The following TTC34 variants were observed in gnomAD, a reference collection of about 807,000 sequenced individuals.
The protein encoded by TTC34 is tetratricopeptide repeat protein 34.
Under a neutral mutation model 40.7 loss-of-function variants are expected in TTC34, and 44 were observed. The ratio of observed to expected loss-of-function variants is 1.08; its 90% CI spans 0.85 to 1.39. The LOEUF is 1.39. Among genes scored for constraint, TTC34 ranks in the 40% most tolerant of loss-of-function variants. The pLI is 0.00. For missense variants in TTC34, 884 were observed against 838.0 expected, an observed-to-expected ratio of 1.05 and a Z score of -0.68; for synonymous variants, 422 against 398.6, an observed-to-expected ratio of 1.06 and a Z score of -0.70.
At chr1:2,755,698 C>A (rs1207191146) in intron 6 of TTC34, among the ~76,000 whole-genome samples, 4 of 110,424 alleles carry the variant, frequency 3.6e-5, no homozygotes, top group Admixed American at 1.0e-4. Context: ...GAGCAGCACC[C>A]CAAACCCACA....
intron 6 of TTC34, among the ~76,000 whole-genome samples, chr1:2,688,076 A>C (rs1262602846): frequency 3.4e-3 from 472 of 138,752 alleles, no homozygotes; most frequent in African/African-American, 0.013. Context: ...AGCCTGGAAC[A>C]GCACCCTGCA....
At chr1:2,764,164 T>A (rs1400507685) in intron 6 of TTC34, among the ~76,000 whole-genome samples, 5 of 147,216 alleles carry the variant, frequency 3.4e-5, no homozygotes, top group African/African-American at 1.0e-4. Flanking sequence ...ATCTGACGCA[T>A]AAAACAGCAC....
intron 6 of TTC34, chr1:2,775,663 C>G (rs1236490152): frequency 6.7e-6 from 1 of 148,446 alleles, no homozygotes; most frequent in Non-Finnish European, 1.5e-5. Flanking sequence ...AAAACAGCAC[C>G]CCACAACCCC....
intron 6 of TTC34, among the ~76,000 whole-genome samples, chr1:2,693,136 GAACCCACACCCCCAGGCGAGCATC>G (rs1640703319): frequency 5.4e-5 from 4 of 73,846 alleles, no homozygotes; most frequent in African/African-American, 1.5e-4. Flanking sequence ...GCCTGGAGCA[GAACCCACACCCCCAGGCGAGCATC>G]TGACAGCCTG....
intron 6 of TTC34, among the ~76,000 whole-genome samples, chr1:2,683,321 G>A (rs1276368531): frequency 2.0e-5 from 3 of 150,808 alleles, no homozygotes; most frequent in Non-Finnish European, 4.4e-5. Flanking sequence ...CCCCAGGTGA[G>A]CATCTGACAG....
intron 6 of TTC34, among the ~76,000 whole-genome samples, chr1:2,748,881 C>T (rs1433372351): frequency 1.0e-4 from 3 of 28,734 alleles, no homozygotes; most frequent in African/African-American, 8.0e-4. Flanking sequence ...GCACCCACAC[C>T]TTCAGGTGAG....
At chr1:2,749,431 A>G (rs1641244873) in intron 6 of TTC34, among the ~76,000 whole-genome samples, 4 of 134,942 alleles carry the variant, frequency 3.0e-5, no homozygotes, top group Non-Finnish European at 3.1e-5. Flanking sequence ...ACAGCCTGGA[A>G]CAGCACCGAC....
intron 6 of TTC34, among the ~76,000 whole-genome samples, chr1:2,782,909 C>T (rs1643507850): frequency 6.6e-6 from 1 of 152,174 alleles, no homozygotes; most frequent in South Asian, 2.1e-4. Flanking sequence ...GTGTGAGTCC[C>T]TCAGAGTCAG....
At chr1:2,751,179 C>T (rs1438658900) in intron 6 of TTC34, among the ~76,000 whole-genome samples, 2 of 120,276 alleles carry the variant, frequency 1.7e-5, no homozygotes, top group Non-Finnish European at 3.3e-5. Flanking sequence ...CCCAGGCGAG[C>T]ATCCGACAGC....
intron 6 of TTC34, among the ~76,000 whole-genome samples, chr1:2,683,614 C>T (rs1288681630): frequency 2.1e-5 from 3 of 143,498 alleles, no homozygotes; most frequent in Non-Finnish European, 4.5e-5. Context: ...CATCTGACAT[C>T]CTTCAGCAGC....
exon 9 of TTC34, chr1:2,640,173 G>A (rs1638873224): frequency 6.6e-6 from 1 of 152,358 alleles, no homozygotes; most frequent in African/African-American, 2.4e-5. Context: ...GTCTCCCCAG[G>A]GTGAAGTCAG....
chr1:2,767,516 C>A (rs1641805848), intron 6 of TTC34, among the ~76,000 whole-genome samples: 2 of 144,020 alleles, frequency 1.4e-5, no homozygotes, highest in Admixed American at 7.1e-5. Context: ...TGGAACAGAA[C>A]CCCACTCTTC....
At chr1:2,751,649 C>A (rs1331312965) in intron 6 of TTC34, among the ~76,000 whole-genome samples, 13 of 144,556 alleles carry the variant, frequency 9.0e-5, no homozygotes, top group East Asian at 4.2e-4. Flanking sequence ...CACCCACACC[C>A]CCAGTTGAGC....
intron 6 of TTC34, among the ~76,000 whole-genome samples, chr1:2,769,797 G>T: frequency 7.4e-6 from 1 of 135,182 alleles, no homozygotes; most frequent in African/African-American, 3.1e-5. Flanking sequence ...CACACCCCCA[G>T]GTGGGCATCT....
exon 9 of TTC34, chr1:2,641,566 G>A (rs1638903929): frequency 1.3e-6 from 2 of 1,532,450 alleles, no homozygotes; most frequent in African/African-American, 2.7e-5. Context: ...GCCTGCACAG[G>A]CTGTTCTGGG....
intron 6 of TTC34, among the ~76,000 whole-genome samples, chr1:2,772,586 C>A (rs1405631568): frequency 5.3e-4 from 3 of 5,672 alleles, no homozygotes; most frequent in East Asian, 5.2e-3. Context: ...GGTGAGCATC[C>A]GACAGCCTGG....
intron 6 of TTC34, among the ~76,000 whole-genome samples, chr1:2,685,461 C>A (rs1233803821): frequency 7.6e-6 from 1 of 130,922 alleles, no homozygotes; most frequent in Non-Finnish European, 1.6e-5. Flanking sequence ...ATCTGACAGC[C>A]TGGAGCAGTG....
intron 6 of TTC34, among the ~76,000 whole-genome samples, chr1:2,696,850 A>G (rs1477499645): frequency 3.9e-5 from 2 of 50,836 alleles, no homozygotes. Flanking sequence ...CCTTCCGGCG[A>G]GCATCCGACA....
intron 6 of TTC34, among the ~76,000 whole-genome samples, chr1:2,684,470 C>G (rs1323670502): frequency 1.4e-5 from 2 of 146,654 alleles, no homozygotes; most frequent in Admixed American, 6.7e-5. Context: ...TGCAACAGCA[C>G]CCACACACCC....
Sources: allele counts gnomAD v4.1 joint callset (sites outside exome capture counted in the v4.1 genomes callset), GRCh38; gene constraint gnomAD v4.1.1; transcripts MANE v1.5; gene names NCBI Gene and HGNC (gene_info 2026-07-23, HGNC 2026-07-21).